The following CTBP1 variants were observed in gnomAD, a reference collection of about 807,000 sequenced individuals.
CTBP1 encodes C-terminal-binding protein 1.
Under a neutral mutation model 42.1 loss-of-function variants are expected in CTBP1, and 11 were observed. The observed-to-expected ratio is 0.26, with a 90% CI of 0.16 to 0.43. The LOEUF is 0.43. Ranked by LOEUF, CTBP1 falls within the 20% of genes least tolerant of loss-of-function variation. The pLI is 1.00. For synonymous variants in CTBP1, 324 were observed against 277.1 expected (o/e 1.17, Z -1.68); for missense variants, 399 against 624.3 (o/e 0.64, Z 3.85).
intron 3 of CTBP1, chr4:1,234,844 C>G (rs1382837202): frequency 2.6e-5 from 4 of 152,236 alleles, no homozygotes; most frequent in Non-Finnish European, 5.9e-5. Context: ...CCCACAGCCC[C>G]TTGCATGCGT....
intron 5 of CTBP1, among the ~76,000 whole-genome samples, chr4:1,222,718 C>T (rs1424727884): frequency 6.6e-6 from 1 of 152,166 alleles, no homozygotes; most frequent in East Asian, 1.9e-4. Flanking sequence ...CAGCACGGGG[C>T]CCTGGGAGGG....
chr4:1,213,368 C>G, intron 8 of CTBP1, 110 bp downstream of exon 8: 1 of 1,540,008 alleles, frequency 6.5e-7, no homozygotes, highest in Non-Finnish European at 8.8e-7. Flanking sequence ...GCACCACGGG[C>G]CCTGAGCTGG....
chr4:1,220,754 G>A (rs1002686225), intron 5 of CTBP1, among the ~76,000 whole-genome samples: 8 of 152,376 alleles, frequency 5.3e-5, no homozygotes, highest in African/African-American at 1.9e-4. Context: ...AGGGCTCCTC[G>A]GCGCATCGTG....
chr4:1,227,262 C>A (rs1730452922), intron 4 of CTBP1, among the ~76,000 whole-genome samples: 2 of 151,584 alleles, frequency 1.3e-5, no homozygotes, highest in Admixed American at 1.3e-4. Flanking sequence ...AGCATGTGAT[C>A]CATGTGCTGA....
rs116187960 is a variant in CTBP1, at chr4:1,224,261, A to T, written c.514+1099T>A. 1.8e-3 allele frequency among the ~76,000 whole-genome samples: 273 copies of T among 152,134 alleles called. 1 individual carries two copies. Among genetic ancestry groups the T allele is most frequent in the African/African-American group, 5.8e-3 (239 of 41,470 alleles). On this transcript the variant is annotated intron_variant, in intron 5 of 9. Coordinates refer to ENST00000382952, the MANE Select transcript of CTBP1 (RefSeq NM_001012614.2). ...GTGTGGTGCCCATGTGTGCCATGTG[A>T]TACCCGTGTGTGTGTGCTGTGACAT...
chr4:1,225,443 C>T lies in CTBP1; in HGVS notation c.431G>A (p.Arg144Gln), dbSNP rs1358451704. The change falls in exon 5 of 10, where the codon CGA becomes CAA. Residue 144 changes from arginine to glutamine, a missense_variant. This residue lies in a region of CTBP1 where 309 missense variants were observed against 497.5 expected (regional missense o/e 0.62). Transcript: ENST00000382952. ...WLHQALREGT[R>Q]VQSVEQIREV... The stretch of plus-strand genomic sequence containing the variant: ...GCGGATCTGCTCGACGCTCTGGACT[C>T]GTGTGCCCTCCCGCAGCGCCTGGTG... The T allele has an allele frequency of 5.8e-6, 9 of 1,546,838 alleles. No homozygotes were observed. The highest frequency in any genetic ancestry group is 7.8e-6 in the Non-Finnish European group (9 of 1,148,844).
At chr4:1,226,910 A>G (rs1730411331) in intron 4 of CTBP1, among the ~76,000 whole-genome samples, 1 of 152,026 alleles carries the variant, frequency 6.6e-6, no homozygotes, top group South Asian at 2.1e-4. Context: ...GCAGGAACAC[A>G]GACGGTTCCA....
chr4:1,241,204 C>G, intron 2 of CTBP1, 121 bp downstream of exon 2: 4 of 767,714 alleles, frequency 5.2e-6, no homozygotes, highest in Non-Finnish European at 4.8e-6. Flanking sequence ...TGGCAGCAGT[C>G]CGGCCCGACG....
chr4:1,222,598 C>A (rs1729870190), intron 5 of CTBP1, among the ~76,000 whole-genome samples: 1 of 152,174 alleles, frequency 6.6e-6, no homozygotes, highest in Non-Finnish European at 1.5e-5. Context: ...CACCCACACT[C>A]CTCAGGCCAG....
intron 2 of CTBP1, among the ~76,000 whole-genome samples, chr4:1,240,823 C>A (rs1732101433): frequency 6.6e-6 from 1 of 152,174 alleles, no homozygotes; most frequent in Admixed American, 6.5e-5. Context: ...ACCCAGGAGG[C>A]TTCACAGTCA....
At chr4:1,245,405 G>T (rs1732613256) in intron 1 of CTBP1, 1 of 985,302 alleles carries the variant, frequency 1.0e-6, no homozygotes, top group Admixed American at 6.1e-5. Flanking sequence ...CACATGTGGG[G>T]TATCAGGGCT....
intron 2 of CTBP1, among the ~76,000 whole-genome samples, chr4:1,239,921 A>G (rs1290459003): frequency 6.6e-6 from 1 of 152,246 alleles, no homozygotes; most frequent in African/African-American, 2.4e-5. Flanking sequence ...GCCCAGTGAC[A>G]CTGTACATGG....
rs550892394 is a variant in CTBP1, at chr4:1,242,052, C to T, written c.-188-533G>A. On this transcript the variant is annotated intron_variant, in intron 1 of 9. Transcript: ENST00000382952. The stretch of plus-strand genomic sequence containing the variant: ...CTGGCACTGCCTGCACTGAGCCGCG[C>T]CGGCTCCACCTCCGACCCTCAGTGC... 26 of 988,234 alleles carry T rather than the reference C, an allele frequency of 2.6e-5. No homozygotes were observed. In the South Asian group the frequency reaches 8.8e-4, roughly 34 times the overall value. 61.2% of individuals were successfully genotyped at this position (988,234 alleles called of 1,614,324 possible).
intron 1 of CTBP1, chr4:1,242,212 G>A (rs777240770): frequency 1.5e-4 from 150 of 985,336 alleles, no homozygotes; most frequent in Non-Finnish European, 1.7e-4. Context: ...CCCCTGAGAG[G>A]GCCAAGCCTT....
intron 1 of CTBP1, among the ~76,000 whole-genome samples, chr4:1,246,148 CG>C (rs918189330): frequency 6.6e-6 from 1 of 152,192 alleles, no homozygotes; most frequent in East Asian, 1.9e-4. Context: ...CGACCCAGTG[CG>C]GGGGAGAGCA....
chr4:1,232,219 A>T (rs1020165742), intron 3 of CTBP1, among the ~76,000 whole-genome samples: 1 of 152,238 alleles, frequency 6.6e-6, no homozygotes, highest in African/African-American at 2.4e-5. Context: ...GAGTGTTATC[A>T]GACATTCACC....
Position 1,248,970 on chromosome 4 carries a change from G to T in CTBP1, c.-243C>A. 1 of 997,302 alleles carries T rather than the reference G, an allele frequency of 1.0e-6. No individual in the cohort carries two copies. Among genetic ancestry groups the T allele is most frequent in the Non-Finnish European group, 1.2e-6 (1 of 834,954 alleles). 61.8% of individuals were successfully genotyped at this position (997,302 alleles called of 1,614,324 possible). Reference sequence around the variant, plus strand: ...GAGCTGCCCATCGAGAGGCGCGAGCGGCCGCGGGCCCCGACCACTCCGGCG... The same window carrying T: ...GAGCTGCCCATCGAGAGGCGCGAGCTGCCGCGGGCCCCGACCACTCCGGCG... On this transcript the variant is annotated 5_prime_UTR_variant, in exon 1 of 10. Coordinates refer to ENST00000382952, the MANE Select transcript of CTBP1 (RefSeq NM_001012614.2).
rs1732984743 is a variant in CTBP1, at chr4:1,248,442, G to A, written c.-189+474C>T. On this transcript the variant is annotated intron_variant, in intron 1 of 9. Transcript: ENST00000382952. ...GCCTCCCCGCGGGAGGCGCGCTCCC[G>A]CGAGTGGCCCGGGAGCGCGCGCCCC... Among the ~76,000 whole-genome samples, 24 of 150,668 alleles carry A rather than the reference G, an allele frequency of 1.6e-4. 1 individual carries two copies. The South Asian group carries it at 4.8e-3, about 30-fold the overall frequency.
At chr4:1,217,710 C>A (rs1029854108) in intron 5 of CTBP1, 14 of 152,348 alleles carry the variant, frequency 9.2e-5, no homozygotes, top group African/African-American at 3.4e-4. Context: ...TCTGTCTCTG[C>A]CATTCTCTTC....
Sources: allele counts gnomAD v4.1 joint callset (sites outside exome capture counted in the v4.1 genomes callset), GRCh38; gene constraint gnomAD v4.1.1; regional missense constraint gnomAD v4.1.1; transcripts MANE v1.5; gene names NCBI Gene and HGNC (gene_info 2026-07-23, HGNC 2026-07-21).